PCDH11Y: variants seen among roughly 807,000 people sequenced by gnomAD.
The protein encoded by PCDH11Y is protocadherin 11 Y-linked.
For synonymous variants in PCDH11Y, 9 were observed against 83.6 expected (o/e 0.11, Z 4.87); for missense variants, 12 against 224.8 (o/e 0.05, Z 6.05).
chrY:5,093,554 C>T, intron 1 of PCDH11Y, among the ~76,000 whole-genome samples: 1 of 32,475 alleles, frequency 3.1e-5, no homozygotes, highest in Non-Finnish European at 7.6e-5. Context: ...TTCAATAATG[C>T]ACTGGCTACA....
intron 2 of PCDH11Y, among the ~76,000 whole-genome samples, chrY:5,463,119 G>A (rs2124683992): frequency 4.7e-5 from 1 of 21,478 alleles, no homozygotes; most frequent in South Asian, 1.3e-3. Context: ...CTCTGTGCAC[G>A]TGACTATAGC....
chrY:5,229,985 C>A, intron 2 of PCDH11Y, among the ~76,000 whole-genome samples: 1 of 32,980 alleles, frequency 3.0e-5, no homozygotes, highest in Non-Finnish European at 7.4e-5. Flanking sequence ...CAACTTAATA[C>A]TCTTTGTATA....
At chrY:5,423,250 T>C in intron 2 of PCDH11Y, among the ~76,000 whole-genome samples, 1 of 32,298 alleles carries the variant, frequency 3.1e-5, no homozygotes, top group Non-Finnish European at 7.6e-5. Flanking sequence ...CGAAAGGCTA[T>C]TACTAAAAAA....
intron 4 of PCDH11Y, among the ~76,000 whole-genome samples, chrY:5,642,280 T>C: frequency 5.9e-5 from 2 of 33,926 alleles, no homozygotes; most frequent in Admixed American, 2.7e-4. Context: ...TTTAATGATA[T>C]GCACATCTTT....
intron 2 of PCDH11Y, among the ~76,000 whole-genome samples, chrY:5,489,021 T>C: frequency 3.0e-5 from 1 of 32,924 alleles, no homozygotes; most frequent in Non-Finnish European, 7.5e-5. Context: ...TCACTGTAAA[T>C]AGAAGCAAAA....
chrY:5,128,151 T>G, intron 2 of PCDH11Y, among the ~76,000 whole-genome samples: 3 of 32,985 alleles, frequency 9.1e-5, no homozygotes, highest in Non-Finnish European at 2.2e-4. Context: ...AGGATCATAT[T>G]TAAAGACTAA....
At chrY:5,232,954 T>C in intron 2 of PCDH11Y, among the ~76,000 whole-genome samples, 1 of 32,263 alleles carries the variant, frequency 3.1e-5, no homozygotes. Flanking sequence ...TGGTTTTGCT[T>C]TCTGCTTTAA....
intron 4 of PCDH11Y, among the ~76,000 whole-genome samples, chrY:5,730,890 G>A: frequency 6.3e-5 from 2 of 31,703 alleles, no homozygotes; most frequent in African/African-American, 2.4e-4. Flanking sequence ...CTGTTTATGC[G>A]GTGAATCACA....
intron 3 of PCDH11Y, among the ~76,000 whole-genome samples, chrY:5,558,957 C>T (rs2053426327): frequency 3.1e-5 from 1 of 32,419 alleles, no homozygotes; most frequent in Non-Finnish European, 7.6e-5. Flanking sequence ...GTAAGATACA[C>T]TGCTGAAAAA....
intron 3 of PCDH11Y, among the ~76,000 whole-genome samples, chrY:5,555,536 T>C: frequency 3.1e-5 from 1 of 32,775 alleles, no homozygotes; most frequent in Non-Finnish European, 7.5e-5. Flanking sequence ...TGGAAGGTAA[T>C]TGAATCATGG....
At chrY:5,496,537 A>G in intron 2 of PCDH11Y, among the ~76,000 whole-genome samples, 5 of 32,648 alleles carry the variant, frequency 1.5e-4, no homozygotes, top group Non-Finnish European at 3.0e-4. Flanking sequence ...AATATTTACT[A>G]TCTCATTCTT....
chrY:5,165,819 A>T (rs1273850763), intron 2 of PCDH11Y, among the ~76,000 whole-genome samples: 140 of 33,222 alleles, frequency 4.2e-3, no homozygotes, highest in Middle Eastern at 0.014. Flanking sequence ...CTCTAGCCAG[A>T]CATAAGAAGA....
chrY:5,012,668 G>GTT (rs751005442), intron 1 of PCDH11Y, among the ~76,000 whole-genome samples: 5 of 14,932 alleles, frequency 3.3e-4, no homozygotes, highest in African/African-American at 1.3e-3. Flanking sequence ...TCATTTTAGG[G>GTT]TTTTTTTTTT....
chrY:5,560,609 A>G, intron 3 of PCDH11Y, among the ~76,000 whole-genome samples: 1 of 32,936 alleles, frequency 3.0e-5, no homozygotes, highest in South Asian at 6.8e-4. Context: ...AGCTCGAGTC[A>G]TGGCTTCAAA....
intron 2 of PCDH11Y, among the ~76,000 whole-genome samples, chrY:5,160,034 AAT>A (rs2052873088): frequency 1.6e-4 from 1 of 6,269 alleles, no homozygotes; most frequent in South Asian, 5.3e-3. Flanking sequence ...TATATAATAT[AAT>A]ATATATAATA....
chrY:5,330,071 AAG>A lies in PCDH11Y; in HGVS notation c.3130-170981_3130-170980del, dbSNP rs1569476781. ...TGGGTGCAGGCGGGCTGAGTCCGAA[AAG>A]AGAGTCAGCGAAGGGAGATAGGGGT... On this transcript the variant is annotated intron_variant, in intron 2 of 4. Coordinates refer to the PCDH11Y transcript ENST00000400457. 2.5e-3 allele frequency among the ~76,000 whole-genome samples: 83 copies of A among 33,050 alleles called. No individual in the cohort carries two copies. The East Asian group carries it at 0.069, about 27-fold the overall frequency. The allele number at this position is 33,050 out of a possible 37,273, so 88.7% of individuals were successfully genotyped here.
downstream of PCDH11Y, among the ~76,000 whole-genome samples, chrY:5,102,480 A>G (rs2052781333): frequency 3.0e-5 from 1 of 33,053 alleles, no homozygotes; most frequent in Non-Finnish European, 7.5e-5. Flanking sequence ...CATTTTTAAC[A>G]GAGTTAATGA....
Position 5,136,716 on chromosome Y carries a change from T to C in PCDH11Y, c.3129+36009T>C. 1.2e-4 allele frequency among the ~76,000 whole-genome samples: 4 copies of C among 32,795 alleles called. No individual in the cohort carries two copies. The South Asian group carries it at 2.7e-3, about 23-fold the overall frequency. The allele number at this position is 32,795 out of a possible 37,273, so 88.0% of individuals were successfully genotyped here. On this transcript the variant is annotated intron_variant, in intron 2 of 4. Coordinates refer to the PCDH11Y transcript ENST00000400457. ...ACTTTCAACAGTAGCATAGAACACG[T>C]AGAAGAAATAACTTTAGAGTTCAAT...
rs2124661541 is a variant in PCDH11Y at position 5,287,965 on chromosome Y, A to G, written c.3129+187258A>G. Among the ~76,000 whole-genome samples, 15 of 33,106 alleles carry G rather than the reference A, an allele frequency of 4.5e-4. No homozygotes were observed. The South Asian group carries it at 6.2e-3, about 14-fold the overall frequency. 88.8% of individuals were successfully genotyped at this position (33,106 alleles called of 37,273 possible). A position where few individuals can be genotyped will look rare whatever the true frequency, so the allele number is the denominator to read the frequency against. The stretch of plus-strand genomic sequence containing the variant: ...ATTTTTAAAAAAATAAAAATTAAAA[A>G]AATTCTTAAAGTGAGTTTTTAGCTC... On this transcript the variant is annotated intron_variant, in intron 2 of 4. Transcript: ENST00000400457.
Sources: gnomAD v4.1 joint callset for allele counts (sites outside exome capture counted in the v4.1 genomes callset) on GRCh38, gnomAD v4.1.1 for gene constraint, MANE v1.5 for transcripts, NCBI Gene and HGNC (gene_info 2026-07-23, HGNC 2026-07-21) for gene names.